ZYG11B: variants seen among roughly 807,000 people sequenced by gnomAD.
ZYG11B encodes protein zyg-11 homolog B.
In ZYG11B, 36 loss-of-function variants were observed where a neutral mutation model predicts 82.4. That is an observed-to-expected ratio of 0.44 (90% CI 0.33 to 0.58). ZYG11B has a LOEUF of 0.58. Ranked by LOEUF, ZYG11B falls within the 20% of genes least tolerant of loss-of-function variation. The pLI is 0.02. For synonymous variants in ZYG11B, 303 were observed against 312.8 expected, an observed-to-expected ratio of 0.97 and a Z score of 0.33; for missense variants, 552 against 895.6, an observed-to-expected ratio of 0.62 and a Z score of 4.90.
chr1:52,811,923 C>CG (rs1308025555), intron 10 of ZYG11B, among the ~76,000 whole-genome samples: 4 of 151,954 alleles, frequency 2.6e-5, no homozygotes, highest in African/African-American at 9.6e-5. Flanking sequence ...CCCAGGTACC[C>CG]GGGAGGCTGA....
Position 52,772,635 on chromosome 1 carries a change from C to T in ZYG11B, c.951+861C>T, listed in dbSNP as rs541610534. On this transcript the variant is annotated intron_variant, in intron 3 of 13. Coordinates refer to ENST00000294353, the MANE Select transcript of ZYG11B (RefSeq NM_024646.3). ...CTGGGACAGGCCCTTCTCAGGAGCACGCATACGACCCATGATGGCGGCGAT... is the reference window on the plus strand; with the variant it reads ...CTGGGACAGGCCCTTCTCAGGAGCATGCATACGACCCATGATGGCGGCGAT... 1.8e-4 allele frequency: 170 copies of T among 954,276 alleles called. 1 individual carries two copies. Among genetic ancestry groups the T allele is most frequent in the Admixed American group, 1.4e-3 (78 of 57,476 alleles). The allele number at this position is 954,276 out of a possible 1,614,324, so 59.1% of individuals were successfully genotyped here.
chr1:52,744,847 A>T lies in ZYG11B; in HGVS notation c.31-11611A>T, dbSNP rs572603800. On this transcript the variant is annotated intron_variant, in intron 1 of 13. Transcript: ENST00000294353. ...CAGAGCGAGACTCCATATCAAAAAA[A>T]AAATATATTTCTAGAGAAGTCATTT... Among the ~76,000 whole-genome samples the T allele has an allele frequency of 3.8e-3, 576 of 152,278 alleles. 3 individuals are homozygous for T. The highest frequency in any genetic ancestry group is 0.013 in the African/African-American group (550 of 41,546).
At position 52,796,358 on chromosome 1, in the gene ZYG11B, G is replaced by T; in HGVS notation, c.1401G>T (p.Met467Ile). The T allele has an allele frequency of 6.2e-7, 1 of 1,613,912 alleles. No homozygotes were observed. Among genetic ancestry groups the T allele is most frequent in the South Asian group, 1.1e-5 (1 of 91,038 alleles). ...CNHEDQNMQR[M>I]AVAIISILAA... ...ATGAGGATCAAAACATGCAAAGGAT[G>T]GCAGTTGCTATCATTTCTATCCTGG... Residue 467 changes from methionine (M) to isoleucine (I), a missense_variant, in exon 7 of 14, where the codon ATG becomes ATT. By Grantham distance (10) the Met-to-Ile change is conservative. This residue lies in a region of ZYG11B where 66 missense variants were observed against 176.4 expected (regional missense o/e 0.37). Transcript: ENST00000294353.
rs145083563 is a variant in ZYG11B, at chr1:52,747,331, G to C, written c.31-9127G>C. On this transcript the variant is annotated intron_variant, in intron 1 of 13. Transcript: ENST00000294353. ...ATTTTTTTTTTTTTGCATTTTCATTGCCTGTACTCTAATCCATAGCATCAT... is the reference window on the plus strand; with the variant it reads ...ATTTTTTTTTTTTTGCATTTTCATTCCCTGTACTCTAATCCATAGCATCAT... Among the ~76,000 whole-genome samples the C allele has an allele frequency of 2.6e-3, 379 of 145,770 alleles. 2 individuals are homozygous for C. The highest frequency in any genetic ancestry group is 9.4e-3 in the African/African-American group (370 of 39,570).
At chr1:52,811,826 T>C (rs7530606) in intron 10 of ZYG11B, among the ~76,000 whole-genome samples, 5,637 of 152,146 alleles carry the variant, frequency 0.037, 324 homozygotes, top group African/African-American at 0.13. Context: ...GTCAGGAAAT[T>C]GAGACCATCC....
In ZYG11B at chr1:52,756,445, C is replaced by A. The variant is rs1331098187; in HGVS notation, c.31-13C>A. The A allele has an allele frequency of 1.3e-6, 2 of 1,593,474 alleles. No individual in the cohort carries two copies. Among genetic ancestry groups the A allele is most frequent in the Non-Finnish European group, 1.7e-6 (2 of 1,169,264 alleles). ...TTTTTGTGTTTCTTTTATATTTTTC[C>A]CTGGGCTCCAAGGAGGAGGCGTCTC... On this transcript the variant is annotated splice_polypyrimidine_tract_variant and intron_variant, in intron 1 of 13. Coordinates refer to ENST00000294353, the MANE Select transcript of ZYG11B (RefSeq NM_024646.3).
intron 1 of ZYG11B, among the ~76,000 whole-genome samples, chr1:52,738,088 CTA>C (rs1300125109): frequency 6.6e-6 from 1 of 152,174 alleles, no homozygotes; most frequent in Non-Finnish European, 1.5e-5. Flanking sequence ...AGTCACTTGT[CTA>C]TATAATTTGT....
At chr1:52,767,910 C>G (rs1049022243) in intron 2 of ZYG11B, among the ~76,000 whole-genome samples, 1 of 152,166 alleles carries the variant, frequency 6.6e-6, no homozygotes, top group African/African-American at 2.4e-5. Flanking sequence ...TGTTGAAGTT[C>G]AGGCTCCCCA....
At position 52,816,667 on chromosome 1, in the gene ZYG11B, T is replaced by C. The variant is rs1645226839; in HGVS notation, c.2044+38T>C. ...AAAAAAGAACTGTGTTTTTTTTCTT[T>C]AAGTGAAATTCTCATTTCCCAGGAA... On this transcript the variant is annotated intron_variant, in intron 13 of 13. Coordinates refer to ENST00000294353, the MANE Select transcript of ZYG11B (RefSeq NM_024646.3). 6.3e-6 allele frequency: 9 copies of C among 1,426,384 alleles called. No individual in the cohort carries two copies. In the East Asian group the frequency reaches 2.0e-4, roughly 32 times the overall value. 88.4% of individuals were successfully genotyped at this position (1,426,384 alleles called of 1,614,324 possible).
At chr1:52,814,058 G>A (rs953538276) in intron 12 of ZYG11B, 146 bp downstream of exon 12, 4 of 789,034 alleles carry the variant, frequency 5.1e-6, no homozygotes, top group Admixed American at 2.8e-5. Flanking sequence ...GTTTCACTCC[G>A]TCGCCATGGC....
At chr1:52,783,884 A>ATGTACATACACGTGTGTGTATG (rs1558132708) in intron 4 of ZYG11B, among the ~76,000 whole-genome samples, 4 of 140,742 alleles carry the variant, frequency 2.8e-5, no homozygotes, top group Non-Finnish European at 6.1e-5. Context: ...GTGTGTGTAT[A>ATGTACATACACGTGTGTGTATG]TGTACATACA....
chr1:52,766,876 C>T (rs1357990227), intron 2 of ZYG11B, among the ~76,000 whole-genome samples: 2 of 152,144 alleles, frequency 1.3e-5, no homozygotes, highest in East Asian at 1.9e-4. Context: ...GGCATGGCAG[C>T]GTGTGCCTGT....
chr1:52,783,108 G>C (rs1337510609), intron 4 of ZYG11B, among the ~76,000 whole-genome samples: 2 of 151,850 alleles, frequency 1.3e-5, no homozygotes, highest in South Asian at 4.2e-4. Flanking sequence ...TATATTTTTA[G>C]TAGAGACGAG....
chr1:52,784,148 T>G (rs538199342), intron 4 of ZYG11B, among the ~76,000 whole-genome samples: 1 of 152,052 alleles, frequency 6.6e-6, no homozygotes, highest in African/African-American at 2.4e-5. Flanking sequence ...CGTGCCACCA[T>G]GCCCAGCTAC....
intron 5 of ZYG11B, among the ~76,000 whole-genome samples, chr1:52,789,614 T>C (rs1183619524): frequency 1.3e-5 from 2 of 152,154 alleles, no homozygotes; most frequent in Non-Finnish European, 2.9e-5. Flanking sequence ...CACCGTGTAC[T>C]CTATGTTAGA....
intron 5 of ZYG11B, among the ~76,000 whole-genome samples, chr1:52,786,684 A>G (rs894142201): frequency 6.6e-5 from 10 of 152,170 alleles, no homozygotes; most frequent in African/African-American, 2.4e-4. Flanking sequence ...TTAAATCCAT[A>G]TGTTGAGGAA....
intron 1 of ZYG11B, among the ~76,000 whole-genome samples, chr1:52,738,382 T>C (rs1359197891): frequency 2.0e-5 from 3 of 151,762 alleles, no homozygotes; most frequent in African/African-American, 4.8e-5. Flanking sequence ...GGTTTCACCA[T>C]GTTGGCCAGG....
chr1:52,783,838 A>ATGTACATACACGTGTGGGTG (rs1644880181), intron 4 of ZYG11B, among the ~76,000 whole-genome samples: 1 of 101,764 alleles, frequency 9.8e-6, no homozygotes, highest in Admixed American at 1.1e-4. Flanking sequence ...ATACGTGTGT[A>ATGTACATACACGTGTGGGTG]TATGTACATA....
chr1:52,797,667 C>T (rs1219526382), intron 8 of ZYG11B, among the ~76,000 whole-genome samples: 1 of 149,926 alleles, frequency 6.7e-6, no homozygotes, highest in Non-Finnish European at 1.5e-5. Context: ...TGCCACCATG[C>T]CCGGCTAATT....
Sources: gnomAD v4.1 joint callset for allele counts (sites outside exome capture counted in the v4.1 genomes callset) on GRCh38, gnomAD v4.1.1 for gene constraint, gnomAD v4.1.1 regional missense constraint, MANE v1.5 for transcripts, NCBI Gene and HGNC (gene_info 2026-07-23, HGNC 2026-07-21) for gene names.